Variants in KDM7A observed in about 807,000 individuals in gnomAD.
KDM7A encodes the protein lysine-specific demethylase 7A.
In KDM7A, 28 loss-of-function variants were observed where a neutral mutation model predicts 114.8. That is an observed-to-expected ratio of 0.24 (90% CI 0.18 to 0.33). KDM7A has a LOEUF of 0.33. Ranked by LOEUF, KDM7A falls within the 10% of genes least tolerant of loss-of-function variation. KDM7A has a pLI of 1.00. For missense variants in KDM7A, 942 were observed against 1,142.5 expected (o/e 0.82, Z 2.53); for synonymous variants, 423 against 397.8 (o/e 1.06, Z -0.75).
At chr7:140,098,063 G>C (rs1443188366) in intron 14 of KDM7A, among the ~76,000 whole-genome samples, 1 of 152,158 alleles carries the variant, frequency 6.6e-6, no homozygotes, top group Non-Finnish European at 1.5e-5. Context: ...AATTCAACAC[G>C]CTTATAAACT....
intron 17 of KDM7A, 36 bp downstream of exon 17, chr7:140,096,519 G>A (rs1159605263): frequency 6.6e-7 from 1 of 1,508,442 alleles, no homozygotes; most frequent in East Asian, 2.3e-5. Flanking sequence ...GGCAACATAT[G>A]TTACTTTTTA....
intron 1 of KDM7A, among the ~76,000 whole-genome samples, chr7:140,148,533 T>C (rs1794366838): frequency 6.6e-6 from 1 of 152,210 alleles, no homozygotes; most frequent in Non-Finnish European, 1.5e-5. Flanking sequence ...TGTCCAAAAA[T>C]CTTACGTTGC....
chr7:140,114,999 G>C (rs923745627), intron 9 of KDM7A, among the ~76,000 whole-genome samples: 1 of 151,680 alleles, frequency 6.6e-6, no homozygotes, highest in African/African-American at 2.4e-5. Flanking sequence ...GGGAAGTGAG[G>C]AGCGTCTCTG....
In KDM7A at chr7:140,125,598, G is replaced by C. The variant is rs1054199342; in HGVS notation, c.889-815C>G. On this transcript the variant is annotated intron_variant, in intron 6 of 19. Transcript: ENST00000397560. ...TTTTGTTTTTTTGAGATAGGGTCTC[G>C]CTCTGTTGCCCAGGCTGGAGTGCAA... is the stretch of plus-strand genomic sequence containing the variant. Among the ~76,000 whole-genome samples the C allele has an allele frequency of 6.6e-5, 10 of 152,284 alleles. No individual in the cohort carries two copies. The South Asian group carries it at 1.0e-3, about 16-fold the overall frequency.
At chr7:140,103,183 T>C (rs990236071) in intron 11 of KDM7A, among the ~76,000 whole-genome samples, 5 of 152,180 alleles carry the variant, frequency 3.3e-5, no homozygotes, top group Admixed American at 2.0e-4. Flanking sequence ...CTCTATGAAT[T>C]TGACACTTCT....
At position 140,127,603 on chromosome 7, in the gene KDM7A, T is replaced by C; in HGVS notation, c.560-20A>G. On this transcript the variant is annotated intron_variant, in intron 4 of 19. Transcript: ENST00000397560. ...CACCACCTGCAGAGAAAAATTACAG[T>C]CTTATTATTGGACTTAAGAGTTACA... 2 of 1,608,922 alleles carry C rather than the reference T, an allele frequency of 1.2e-6. No individual in the cohort carries two copies. Among genetic ancestry groups the C allele is most frequent in the Non-Finnish European group, 1.7e-6 (2 of 1,176,344 alleles).
intron 7 of KDM7A, among the ~76,000 whole-genome samples, chr7:140,122,802 G>A (rs993220825): frequency 7.7e-4 from 118 of 152,312 alleles, no homozygotes; most frequent in African/African-American, 2.7e-3. Flanking sequence ...ACTGTCCTGG[G>A]ACAGCAGCCC....
chr7:140,121,261 C>G (rs1314009822), intron 7 of KDM7A, among the ~76,000 whole-genome samples: 1 of 152,158 alleles, frequency 6.6e-6, no homozygotes, highest in Admixed American at 6.5e-5. Context: ...TAAGACATGA[C>G]GTCTAACTTT....
intron 13 of KDM7A, among the ~76,000 whole-genome samples, chr7:140,099,356 G>C (rs1818165546): frequency 6.6e-6 from 1 of 152,040 alleles, no homozygotes; most frequent in African/African-American, 2.4e-5. Flanking sequence ...ACCACACCCA[G>C]CTAATTTATT....
intron 4 of KDM7A, among the ~76,000 whole-genome samples, chr7:140,128,677 G>A (rs753663601): frequency 2.3e-4 from 35 of 152,212 alleles, no homozygotes; most frequent in Non-Finnish European, 2.4e-4. Context: ...AATAATCAAT[G>A]AGAATTGTCA....
intron 18 of KDM7A, among the ~76,000 whole-genome samples, chr7:140,092,320 G>A (rs1014273110): frequency 2.6e-5 from 4 of 152,150 alleles, no homozygotes; most frequent in African/African-American, 4.8e-5. Context: ...AGAAAACAAC[G>A]TAAACAGGCA....
At position 140,126,638 on chromosome 7, in the gene KDM7A, C is replaced by G; in HGVS notation, c.887G>C (p.Trp296Ser). The change falls in exon 6 of 20, where the codon TGG (tryptophan) becomes TCG (serine). Residue 296 changes from tryptophan (W) to serine (S), a missense_variant and splice_region_variant. Around this residue, in one of 4 missense-constraint regions of KDM7A, gnomAD observed 318 missense variants for 453.1 expected, o/e 0.70. Coordinates refer to ENST00000397560, the MANE Select transcript of KDM7A (RefSeq NM_030647.2). ...GGTSVWYHVL[W>S]GEKIFYLIKP... ...GAACAAAAAATACCCCAATCTTACC[C>G]AGAGGACATGGTACCAGACTGAAGT... 6.3e-7 allele frequency: 1 copy of G among 1,594,100 alleles called. No homozygotes were observed. The highest frequency in any genetic ancestry group is 8.5e-7 in the Non-Finnish European group (1 of 1,170,338).
intron 7 of KDM7A, among the ~76,000 whole-genome samples, chr7:140,123,015 T>C (rs751558310): frequency 1.3e-5 from 2 of 152,078 alleles, no homozygotes; most frequent in Non-Finnish European, 2.9e-5. Flanking sequence ...ACTCAACAAT[T>C]AAAAAGGACA....
In KDM7A at chr7:140,124,653, A is replaced by G; in HGVS notation, c.1019T>C (p.Val340Ala). Residue 340 changes from valine to alanine, a missense_variant, in exon 7 of 20, where the codon GTA becomes GCA. Coordinates refer to ENST00000397560, the MANE Select transcript of KDM7A (RefSeq NM_030647.2). ...DKVDKCYKCVVKQGHTLFVPT... is the reference protein window; with the variant it reads ...DKVDKCYKCVAKQGHTLFVPT... The stretch of plus-strand genomic sequence containing the variant: ...AACAAATAAGGTATGTCCCTGCTTT[A>G]CCACACATTTGTAGCATTTATCCAC... 6.2e-7 allele frequency: 1 copy of G among 1,613,426 alleles called. No homozygotes were observed. The highest frequency in any genetic ancestry group is 8.5e-7 in the Non-Finnish European group (1 of 1,179,748).
chr7:140,110,440 T>C (rs1818412627), intron 11 of KDM7A, among the ~76,000 whole-genome samples: 1 of 152,198 alleles, frequency 6.6e-6, no homozygotes, highest in African/African-American at 2.4e-5. Context: ...TGTAAATGTA[T>C]ACCTCTTTCC....
intron 3 of KDM7A, among the ~76,000 whole-genome samples, chr7:140,131,069 G>A (rs913489060): frequency 9.9e-5 from 15 of 151,808 alleles, no homozygotes; most frequent in Non-Finnish European, 1.9e-4. Flanking sequence ...GGGTTTCACC[G>A]TGTTAGCCAG....
At chr7:140,109,537 T>C (rs933722279) in intron 11 of KDM7A, among the ~76,000 whole-genome samples, 1 of 152,266 alleles carries the variant, frequency 6.6e-6, no homozygotes, top group African/African-American at 2.4e-5. Flanking sequence ...AATGCTGCTA[T>C]AAACGTAGGT....
Position 140,086,751 on chromosome 7 carries a change from A to C in KDM7A, c.*4343T>G, listed in dbSNP as rs1427461431. 1 of 151,820 alleles carries C rather than the reference A, an allele frequency of 6.6e-6. No individual in the cohort carries two copies. 9.4% of individuals were successfully genotyped at this position (151,820 alleles called of 1,614,324 possible). On this transcript the variant is annotated 3_prime_UTR_variant, in exon 20 of 20. Coordinates refer to ENST00000397560, the MANE Select transcript of KDM7A (RefSeq NM_030647.2). ...TGTCTCCCCACGCAAATCACTGTCC[A>C]CTCTGGGTTACCTGTGTCTCCTTTA...
At chr7:140,169,561 T>C (rs527486598) in intron 1 of KDM7A, among the ~76,000 whole-genome samples, 1 of 152,342 alleles carries the variant, frequency 6.6e-6, no homozygotes, top group African/African-American at 2.4e-5. Context: ...AGTCTCGCTC[T>C]GTCGCCCACC....
Sources: gnomAD v4.1 joint callset for allele counts (sites outside exome capture counted in the v4.1 genomes callset) on GRCh38, gnomAD v4.1.1 for gene constraint, gnomAD v4.1.1 regional missense constraint, MANE v1.5 for transcripts, NCBI Gene and HGNC (gene_info 2026-07-23, HGNC 2026-07-21) for gene names.